Variants in STYK1 observed in about 807,000 individuals in gnomAD.
The protein encoded by STYK1 is tyrosine-protein kinase STYK1.
Under a neutral mutation model 48.1 loss-of-function variants are expected in STYK1, and 46 were observed. The ratio of observed to expected loss-of-function variants is 0.96; its 90% CI spans 0.75 to 1.22. The LOEUF is 1.22. Among genes scored for constraint, STYK1 ranks in the 50% most tolerant of loss-of-function variants. STYK1 has a pLI of 0.00. For missense variants in STYK1, 527 were observed against 521.1 expected, an observed-to-expected ratio of 1.01 and a Z score of -0.11; for synonymous variants, 188 against 189.0, an observed-to-expected ratio of 0.99 and a Z score of 0.04.
At chr12:10,622,600 T>G in intron 9 of STYK1, 38 bp downstream of exon 9, 1 of 1,612,876 alleles carries the variant, frequency 6.2e-7, no homozygotes, top group Non-Finnish European at 8.5e-7. Context: ...CTTGCATATT[T>G]GCATACAGGT....
In STYK1 at chr12:10,632,660, G is replaced by T. The variant is rs530577194; in HGVS notation, c.187+1330C>A. ...CTGGCATTTCTATAAAGGAGTAGGGGCAGAAGCAGGGAATGTTAAGAGTGT... is the reference window on the plus strand; with the variant it reads ...CTGGCATTTCTATAAAGGAGTAGGGTCAGAAGCAGGGAATGTTAAGAGTGT... On this transcript the variant is annotated intron_variant, in intron 4 of 10. Coordinates refer to ENST00000075503, the MANE Select transcript of STYK1 (RefSeq NM_018423.3). 5.3e-5 allele frequency among the ~76,000 whole-genome samples: 8 copies of T among 152,316 alleles called. No individual in the cohort carries two copies. In the South Asian group the frequency reaches 1.0e-3, roughly 20 times the overall value.
At chr12:10,651,170 C>T (rs762895318) in intron 1 of STYK1, among the ~76,000 whole-genome samples, 1 of 152,174 alleles carries the variant, frequency 6.6e-6, no homozygotes, top group Non-Finnish European at 1.5e-5. Flanking sequence ...CAGCCTCCTG[C>T]CTTGGTCCTG....
At chr12:10,659,343 G>A (rs565182570) in intron 1 of STYK1, among the ~76,000 whole-genome samples, 5 of 152,154 alleles carry the variant, frequency 3.3e-5, no homozygotes, top group South Asian at 2.1e-4. Flanking sequence ...CTTAACTTAC[G>A]GAATATAGTT....
rs1474042038 is a variant in STYK1 at position 10,629,530 on chromosome 12, T to C, written c.596A>G (p.Gln199Arg). 6.2e-7 allele frequency: 1 copy of C among 1,614,044 alleles called. No individual in the cohort carries two copies. Among genetic ancestry groups the C allele is most frequent in the Non-Finnish European group, 8.5e-7 (1 of 1,180,024 alleles). Residue 199 changes from glutamine (Q) to arginine (R), a missense_variant, in exon 6 of 11, where the codon CAG (glutamine) becomes CGG (arginine). Coordinates refer to ENST00000075503, the MANE Select transcript of STYK1 (RefSeq NM_018423.3). ...PLYMVLEDVA[Q>R]GDLLSFLWTC... ...CCAGAGAAAGCTGAGCAGGTCCCCC[T>C]GGGCCACATCCTCCAACACCATATA...
intron 1 of STYK1, among the ~76,000 whole-genome samples, chr12:10,662,409 CTA>C (rs1947786881): frequency 1.3e-5 from 2 of 152,170 alleles, no homozygotes; most frequent in African/African-American, 4.8e-5. Flanking sequence ...TATGGTAACT[CTA>C]TGTTTAAATT....
Position 10,619,385 on chromosome 12 carries a change from G to A in STYK1, c.*759C>T, listed in dbSNP as rs1865869555. ...ACACACACACAGAATTCTTTTCACT[G>A]TTCTAACATTGACTCTCTAGGCTTA... On this transcript the variant is annotated 3_prime_UTR_variant, in exon 11 of 11. Coordinates refer to ENST00000075503, the MANE Select transcript of STYK1 (RefSeq NM_018423.3). 1 of 149,956 alleles carries A rather than the reference G, an allele frequency of 6.7e-6. No homozygotes were observed. Among genetic ancestry groups the A allele is most frequent in the Admixed American group, 6.7e-5 (1 of 14,990 alleles). The allele number at this position is 149,956 out of a possible 1,614,324, so 9.3% of individuals were successfully genotyped here.
At chr12:10,648,691 G>A (rs1947626939) in intron 1 of STYK1, among the ~76,000 whole-genome samples, 1 of 151,932 alleles carries the variant, frequency 6.6e-6, no homozygotes, top group Non-Finnish European at 1.5e-5. Flanking sequence ...GTGCAGTGAT[G>A]TGATCTTGGC....
intron 8 of STYK1, 72 bp downstream of exon 8, chr12:10,624,579 G>T: frequency 1.4e-6 from 2 of 1,398,098 alleles, no homozygotes; most frequent in Non-Finnish European, 2.0e-6. Flanking sequence ...ATTGGCAACA[G>T]ATCAAATCAT....
chr12:10,624,598 A>G (rs1049311987), intron 8 of STYK1, 53 bp downstream of exon 8: 1 of 1,536,218 alleles, frequency 6.5e-7, no homozygotes, highest in African/African-American at 1.4e-5. Context: ...ATATTCAGGG[A>G]CAACACCCAA....
intron 1 of STYK1, among the ~76,000 whole-genome samples, chr12:10,644,089 G>A (rs779056516): frequency 6.6e-6 from 1 of 152,186 alleles, no homozygotes; most frequent in Admixed American, 6.5e-5. Flanking sequence ...AGTCTCAAAA[G>A]GTTACATGCT....
intron 1 of STYK1, among the ~76,000 whole-genome samples, chr12:10,659,044 G>A (rs1326781994): frequency 6.6e-6 from 1 of 152,168 alleles, no homozygotes; most frequent in Non-Finnish European, 1.5e-5. Context: ...TTTGGAGATT[G>A]TGACATTAGG....
Position 10,619,419 on chromosome 12 carries a change from A to AG in STYK1, c.*724dup, listed in dbSNP as rs1364550232. ...TTGACTCTCTAGGCTTAGTCTCCTT[A>AG]GTCTAATCGGAACTAGGAAGCTAGC... On this transcript the variant is annotated 3_prime_UTR_variant, in exon 11 of 11. Transcript: ENST00000075503. 1 of 152,038 alleles carries AG rather than the reference A, an allele frequency of 6.6e-6. No homozygotes were observed. Among genetic ancestry groups the AG allele is most frequent in the Non-Finnish European group, 1.5e-5 (1 of 68,036 alleles). The allele number at this position is 152,038 out of a possible 1,614,324, so 9.4% of individuals were successfully genotyped here. A position where few individuals can be genotyped will look rare whatever the true frequency, so the allele number is the denominator to read the frequency against.
chr12:10,646,147 G>A (rs1056501424), intron 1 of STYK1, among the ~76,000 whole-genome samples: 5 of 152,234 alleles, frequency 3.3e-5, no homozygotes, highest in Non-Finnish European at 5.9e-5. Flanking sequence ...AGCCAAAAAT[G>A]TGGAAGTGAT....
At chr12:10,634,442 T>A (rs1947464038) in intron 3 of STYK1, 125 bp downstream of exon 3, 7 of 1,081,426 alleles carry the variant, frequency 6.5e-6, no homozygotes, top group Non-Finnish European at 6.9e-6. Context: ...CTAGTCCCCA[T>A]CCTTTTATCA....
intron 1 of STYK1, among the ~76,000 whole-genome samples, chr12:10,665,964 C>A (rs1178436981): frequency 1.3e-5 from 2 of 152,170 alleles, no homozygotes; most frequent in Non-Finnish European, 2.9e-5. Flanking sequence ...TAGAATAAAT[C>A]TCACCACAGG....
At chr12:10,624,469 A>G (rs1947333238) in intron 8 of STYK1, among the ~76,000 whole-genome samples, 182 bp downstream of exon 8, 1 of 152,012 alleles carries the variant, frequency 6.6e-6, no homozygotes, top group South Asian at 2.1e-4. Flanking sequence ...AAAAGTACCA[A>G]AAAGGATTGC....
intron 1 of STYK1, among the ~76,000 whole-genome samples, chr12:10,654,278 AAGTATACTC>A (rs1947694185): frequency 6.6e-6 from 1 of 152,222 alleles, no homozygotes; most frequent in Admixed American, 6.5e-5. Flanking sequence ...AGAAATAACT[AAGTATACTC>A]AGTCAAGTAG....
chr12:10,625,408 G>A (rs1343864348), intron 7 of STYK1, among the ~76,000 whole-genome samples: 3 of 151,836 alleles, frequency 2.0e-5, no homozygotes, highest in African/African-American at 4.8e-5. Context: ...TAGTAGAGAC[G>A]GGGTTTCACC....
chr12:10,649,840 C>A (rs910604733), intron 1 of STYK1, among the ~76,000 whole-genome samples: 1 of 152,068 alleles, frequency 6.6e-6, no homozygotes, highest in Non-Finnish European at 1.5e-5. Context: ...AGGCCGGGAG[C>A]AGTGGTTCAC....
Sources: gnomAD v4.1 joint callset for allele counts (sites outside exome capture counted in the v4.1 genomes callset) on GRCh38, gnomAD v4.1.1 for gene constraint, MANE v1.5 for transcripts, NCBI Gene and HGNC (gene_info 2026-07-23, HGNC 2026-07-21) for gene names.